The following DPYSL3 variants were observed in gnomAD, a reference collection of about 807,000 sequenced individuals.
DPYSL3 encodes dihydropyrimidinase like 3.
In DPYSL3, 16 loss-of-function variants were observed where a neutral mutation model predicts 66.1. That is an observed-to-expected ratio of 0.24 (90% CI 0.16 to 0.37). The LOEUF (loss-of-function observed/expected upper bound fraction) is 0.37, where lower values mean the gene tolerates loss of function less well. Ranked by LOEUF, DPYSL3 falls within the 10% of genes least tolerant of loss-of-function variation. The pLI, the probability that DPYSL3 is intolerant of heterozygous loss-of-function variation, is 1.00. For synonymous variants in DPYSL3, 338 were observed against 345.1 expected, an observed-to-expected ratio of 0.98 and a Z score of 0.23; for missense variants, 738 against 916.2, an observed-to-expected ratio of 0.81 and a Z score of 2.51.
At chr5:147,418,419 CAG>C in intron 3 of DPYSL3, 26 bp downstream of exon 3, 3 of 1,573,668 alleles carry the variant, frequency 1.9e-6, no homozygotes, top group Non-Finnish European at 2.6e-6. Context: ...TTCTGAGAAA[CAG>C]GAGTGTGTAA....
intron 1 of DPYSL3, among the ~76,000 whole-genome samples, chr5:147,446,013 T>C (rs910751724): frequency 6.6e-6 from 1 of 152,226 alleles, no homozygotes; most frequent in African/African-American, 2.4e-5. Context: ...AAGCCGCTTA[T>C]ATCCAACACA....
chr5:147,496,567 A>C (rs1753513718), intron 1 of DPYSL3, among the ~76,000 whole-genome samples: 1 of 151,942 alleles, frequency 6.6e-6, no homozygotes, highest in Admixed American at 6.6e-5. Context: ...AAAACAAACA[A>C]CCCCATCAAA....
Position 147,397,750 on chromosome 5 carries a change from C to T in DPYSL3, c.1719G>A (p.Leu573=), listed in dbSNP as rs780400795. The change falls in exon 12 of 14, where the codon CTG becomes CTA. Residue 573 remains leucine (L), a synonymous_variant. Transcript: ENST00000343218. ...QGKIMLEDGN[L]HVTQGAGRFI... ...AGCGGCCAGCCCCCTGGGTCACGTG[C>T]AGGTTGCCATCTTCCAGCATGATCT... The T allele has an allele frequency of 6.2e-7, 1 of 1,614,176 alleles. No homozygotes were observed. Among genetic ancestry groups the T allele is most frequent in the Non-Finnish European group, 8.5e-7 (1 of 1,180,022 alleles).
chr5:147,408,888 T>C, intron 6 of DPYSL3, 92 bp from the exon 7 acceptor site: 1 of 1,231,586 alleles, frequency 8.1e-7, no homozygotes, highest in Non-Finnish European at 1.2e-6. Context: ...ATCTAAAGAA[T>C]AAATATGCGT....
At chr5:147,417,809 A>T (rs558588037) in intron 3 of DPYSL3, among the ~76,000 whole-genome samples, 3 of 152,318 alleles carry the variant, frequency 2.0e-5, no homozygotes, top group Admixed American at 2.0e-4. Context: ...AATGTTAAAG[A>T]TATGAATTGG....
chr5:147,422,099 A>C (rs1278184825), intron 2 of DPYSL3, among the ~76,000 whole-genome samples: 1 of 152,194 alleles, frequency 6.6e-6, no homozygotes, highest in Non-Finnish European at 1.5e-5. Flanking sequence ...CAATCTATCC[A>C]TCTGACAAAG....
intron 13 of DPYSL3, among the ~76,000 whole-genome samples, chr5:147,394,832 C>T (rs1757922806): frequency 6.6e-6 from 1 of 152,212 alleles, no homozygotes; most frequent in Non-Finnish European, 1.5e-5. Context: ...TTCTGTTTCT[C>T]CCATTCCATA....
At chr5:147,475,236 C>T (rs1312454218) in intron 1 of DPYSL3, among the ~76,000 whole-genome samples, 1 of 151,960 alleles carries the variant, frequency 6.6e-6, no homozygotes, top group Non-Finnish European at 1.5e-5. Context: ...TGAATAAGGC[C>T]CTGCCACCTA....
intron 1 of DPYSL3, among the ~76,000 whole-genome samples, chr5:147,455,065 C>A (rs984126613): frequency 1.8e-4 from 28 of 152,200 alleles, no homozygotes; most frequent in African/African-American, 6.5e-4. Flanking sequence ...CTAAGCATGA[C>A]TAAAGCTGTG....
At chr5:147,428,116 T>C (rs1041112805) in intron 1 of DPYSL3, among the ~76,000 whole-genome samples, 2 of 152,190 alleles carry the variant, frequency 1.3e-5, no homozygotes, top group Admixed American at 6.5e-5. Flanking sequence ...GATGGTGTCA[T>C]TGGAAACTTT....
At chr5:147,490,836 A>G (rs1377576954) in intron 1 of DPYSL3, among the ~76,000 whole-genome samples, 1 of 152,138 alleles carries the variant, frequency 6.6e-6, no homozygotes, top group Non-Finnish European at 1.5e-5. Flanking sequence ...GATACAGACA[A>G]CTCAGAGAGT....
intron 8 of DPYSL3, among the ~76,000 whole-genome samples, chr5:147,402,475 G>C (rs1228262829): frequency 2.0e-5 from 3 of 146,488 alleles, no homozygotes; most frequent in African/African-American, 8.2e-5. Flanking sequence ...AGCCTCCCGA[G>C]TAGCTGGGAC....
intron 1 of DPYSL3, among the ~76,000 whole-genome samples, chr5:147,465,982 A>G (rs1753002991): frequency 6.6e-6 from 1 of 152,200 alleles, no homozygotes; most frequent in Non-Finnish European, 1.5e-5. Flanking sequence ...AACAACAGTG[A>G]GATTGATATT....
chr5:147,448,917 T>C (rs1052266219), intron 1 of DPYSL3, among the ~76,000 whole-genome samples: 6 of 152,214 alleles, frequency 3.9e-5, no homozygotes, highest in Admixed American at 3.3e-4. Flanking sequence ...GAGACTTCCA[T>C]GATCAGATAT....
intron 1 of DPYSL3, among the ~76,000 whole-genome samples, chr5:147,447,990 ATTTTGCCG>A (rs1321386355): frequency 6.6e-6 from 1 of 152,186 alleles, no homozygotes; most frequent in Non-Finnish European, 1.5e-5. Context: ...TACTGTAAAC[ATTTTGCCG>A]TTTTTCAAAT....
Position 147,395,655 on chromosome 5 carries a change from G to A in DPYSL3, c.1870C>T (p.Pro624Ser), listed in dbSNP as rs755693993. ...GAGCCTGCGGGGGTGCCACCTTTGGGGGTGGTGGTCAGGTCAAACACAGGC... is the reference window on the plus strand; with the variant it reads ...GAGCCTGCGGGGGTGCCACCTTTGGAGGTGGTGGTCAGGTCAAACACAGGC... The part of the protein sequence containing the change: ...DGPVFDLTTT[P>S]KGGTPAGSAR... Residue 624 changes from proline (P) to serine (S), a missense_variant, in exon 13 of 14, where the codon CCC (proline) becomes TCC (serine). Pro to Ser is a moderately conservative substitution (Grantham distance 74, BLOSUM62 -1). Coordinates refer to ENST00000343218, the MANE Select transcript of DPYSL3 (RefSeq NM_001197294.2). 1 of 1,614,112 alleles carries A rather than the reference G, an allele frequency of 6.2e-7. No individual in the cohort carries two copies. Among genetic ancestry groups the A allele is most frequent in the Middle Eastern group, 1.6e-4 (1 of 6,062 alleles).
intron 1 of DPYSL3, among the ~76,000 whole-genome samples, chr5:147,495,813 G>A (rs1411199943): frequency 6.6e-6 from 1 of 152,126 alleles, no homozygotes; most frequent in Admixed American, 6.5e-5. Flanking sequence ...TGTGAAAATG[G>A]CCATACTGCC....
chr5:147,424,454 C>A (rs1403534730), intron 2 of DPYSL3, among the ~76,000 whole-genome samples: 5 of 152,204 alleles, frequency 3.3e-5, no homozygotes, highest in Admixed American at 3.3e-4. Context: ...TGCATGAAAT[C>A]TATGTCCTAT....
At chr5:147,463,555 G>A (rs578059538) in intron 1 of DPYSL3, among the ~76,000 whole-genome samples, 10 of 152,222 alleles carry the variant, frequency 6.6e-5, no homozygotes, top group Non-Finnish European at 1.3e-4. Flanking sequence ...GCCCCCCAGA[G>A]GGCATCCATC....
Sources: allele counts gnomAD v4.1 joint callset (sites outside exome capture counted in the v4.1 genomes callset), GRCh38; gene constraint gnomAD v4.1.1; transcripts MANE v1.5; gene names NCBI Gene and HGNC (gene_info 2026-07-23, HGNC 2026-07-21).